The following DLG2 variants were observed in gnomAD, a reference collection of about 807,000 sequenced individuals.
The protein encoded by DLG2 is disks large homolog 2.
Under a neutral mutation model 132.5 loss-of-function variants are expected in DLG2, and 45 were observed. The ratio of observed to expected loss-of-function variants is 0.34; its 90% CI spans 0.27 to 0.44. DLG2 has a LOEUF of 0.44. DLG2 is among the 20% of genes least tolerant of loss of function. The probability of loss-of-function intolerance (pLI) is 1.00; values close to 1 mark genes in which losing one functional copy is unlikely to be tolerated. For missense variants in DLG2, 1,045 were observed against 1,196.9 expected, an observed-to-expected ratio of 0.87 and a Z score of 1.87; for synonymous variants, 424 against 419.6, an observed-to-expected ratio of 1.01 and a Z score of -0.13.
At chr11:84,119,843 A>G (rs1346495654) in intron 9 of DLG2, among the ~76,000 whole-genome samples, 2 of 152,240 alleles carry the variant, frequency 1.3e-5, no homozygotes, top group Non-Finnish European at 2.9e-5. Context: ...CTTGAAAAGC[A>G]TGAGTGTGTT....
rs369995381 is a variant in DLG2 at position 84,642,721 on chromosome 11, T to A, written c.358-107990A>T. 2.0e-4 allele frequency among the ~76,000 whole-genome samples: 31 copies of A among 152,262 alleles called. No homozygotes were observed. The East Asian group carries it at 3.5e-3, about 17-fold the overall frequency. On this transcript the variant is annotated intron_variant, in intron 6 of 27. Coordinates refer to ENST00000376104, the MANE Select transcript of DLG2 (RefSeq NM_001142699.3). ...CCCACTCTACATGGACAGTTTTACCTCCTAGCTGGAATGAAGTAGAGAGGG... is the reference window on the plus strand; with the variant it reads ...CCCACTCTACATGGACAGTTTTACCACCTAGCTGGAATGAAGTAGAGAGGG...
intron 16 of DLG2, among the ~76,000 whole-genome samples, chr11:83,853,871 T>C (rs923781773): frequency 2.6e-5 from 4 of 152,102 alleles, no homozygotes; most frequent in South Asian, 4.1e-4. Flanking sequence ...ATACTGCAAG[T>C]TCTAGTTAAT....
chr11:84,964,273 C>G (rs10898339), intron 6 of DLG2, among the ~76,000 whole-genome samples: 68,413 of 151,914 alleles, frequency 0.45, 17,018 homozygotes, highest in African/African-American at 0.66. Context: ...CATATACAAC[C>G]TTCAGGTCAA....
At chr11:84,803,347 T>G (rs1267740854) in intron 6 of DLG2, among the ~76,000 whole-genome samples, 1 of 152,232 alleles carries the variant, frequency 6.6e-6, no homozygotes, top group Non-Finnish European at 1.5e-5. Context: ...TCTTCTTTAA[T>G]GAAAGCTGTT....
At position 83,850,710 on chromosome 11, in the gene DLG2, A is replaced by C. The variant is rs977755257; in HGVS notation, c.1566-16940T>G. Among the ~76,000 whole-genome samples the C allele has an allele frequency of 3.3e-5, 5 of 152,212 alleles. 1 individual carries two copies. The highest frequency in any genetic ancestry group is 1.2e-4 in the African/African-American group (5 of 41,454). ...AGATTCAATTCTTAATACTCAGAAG[A>C]ACAGAGCAGAATATTTGCATATACT... On this transcript the variant is annotated intron_variant, in intron 16 of 27. Transcript: ENST00000376104.
chr11:84,946,759 C>G (rs1431941126), intron 6 of DLG2, among the ~76,000 whole-genome samples: 2 of 152,128 alleles, frequency 1.3e-5, no homozygotes, highest in South Asian at 2.1e-4. Flanking sequence ...CGTTCACTGG[C>G]TCCAAGCTCA....
At chr11:83,778,676 T>G (rs1302143940) in intron 18 of DLG2, among the ~76,000 whole-genome samples, 6 of 151,934 alleles carry the variant, frequency 3.9e-5, no homozygotes, top group Admixed American at 3.9e-4. Flanking sequence ...AATTTAGGAG[T>G]TAGGAAGTGA....
At chr11:85,393,858 G>A (rs1374372366) in intron 3 of DLG2, among the ~76,000 whole-genome samples, 1 of 152,136 alleles carries the variant, frequency 6.6e-6, no homozygotes, top group Non-Finnish European at 1.5e-5. Flanking sequence ...GCTGAGCTAT[G>A]AGGATGCAAA....
chr11:84,895,096 T>G (rs762166393), intron 6 of DLG2, among the ~76,000 whole-genome samples: 2 of 152,204 alleles, frequency 1.3e-5, no homozygotes, highest in Non-Finnish European at 2.9e-5. Context: ...AAAATTTAAT[T>G]GTAGAATTAT....
intron 19 of DLG2, among the ~76,000 whole-genome samples, chr11:83,547,007 CCTCTATG>C (rs1372807801): frequency 6.6e-5 from 10 of 152,104 alleles, no homozygotes; most frequent in Non-Finnish European, 1.3e-4. Context: ...ACGATACCAA[CCTCTATG>C]CTCTTTTGCA....
intron 22 of DLG2, chr11:83,480,752 T>A: frequency 1.2e-6 from 1 of 819,004 alleles, no homozygotes; most frequent in Non-Finnish European, 2.0e-6. Flanking sequence ...CAATGACTAG[T>A]ATGTCTTGAC....
intron 11 of DLG2, among the ~76,000 whole-genome samples, chr11:84,056,248 T>G (rs1445280457): frequency 6.6e-6 from 1 of 152,026 alleles, no homozygotes; most frequent in East Asian, 1.9e-4. Flanking sequence ...GAACAGGCCC[T>G]GGTGTGTAAA....
chr11:84,338,164 G>A (rs2098496634), intron 7 of DLG2, among the ~76,000 whole-genome samples: 1 of 152,126 alleles, frequency 6.6e-6, no homozygotes, highest in South Asian at 2.1e-4. Context: ...TATCAAATCT[G>A]TACAGTTCGA....
intron 19 of DLG2, among the ~76,000 whole-genome samples, chr11:83,588,814 A>C (rs1434910300): frequency 6.7e-6 from 1 of 150,340 alleles, no homozygotes; most frequent in African/African-American, 2.5e-5. Context: ...TGGAGCTGAA[A>C]ACCAAGGCTC....
chr11:85,607,510 C>T (rs1344637661), intron 2 of DLG2, among the ~76,000 whole-genome samples: 1 of 152,242 alleles, frequency 6.6e-6, no homozygotes, highest in East Asian at 1.9e-4. Flanking sequence ...CCTGTCTTCT[C>T]CAAGGCTAGT....
chr11:84,931,415 G>C (rs142283376), intron 6 of DLG2, among the ~76,000 whole-genome samples: 1 of 152,250 alleles, frequency 6.6e-6, no homozygotes, highest in Non-Finnish European at 1.5e-5. Flanking sequence ...AGAGCATGCA[G>C]TATTTGCTTT....
intron 19 of DLG2, among the ~76,000 whole-genome samples, chr11:83,588,039 C>G (rs183528103): frequency 1.3e-5 from 2 of 152,078 alleles, no homozygotes; most frequent in Non-Finnish European, 2.9e-5. Context: ...AACTGCAAGG[C>G]GGCAGCGAGG....
At chr11:84,268,848 T>C (rs1458125837) in intron 7 of DLG2, among the ~76,000 whole-genome samples, 1 of 152,178 alleles carries the variant, frequency 6.6e-6, no homozygotes, top group Non-Finnish European at 1.5e-5. Flanking sequence ...TGTAAAATGC[T>C]TGGAACAGTG....
At chr11:84,880,479 A>T (rs1231617481) in intron 6 of DLG2, among the ~76,000 whole-genome samples, 2 of 152,152 alleles carry the variant, frequency 1.3e-5, no homozygotes, top group Non-Finnish European at 2.9e-5. Context: ...CTTTGTCCCG[A>T]ATATTTTGAA....
Sources: allele counts gnomAD v4.1 joint callset (sites outside exome capture counted in the v4.1 genomes callset), GRCh38; gene constraint gnomAD v4.1.1; transcripts MANE v1.5; gene names NCBI Gene and HGNC (gene_info 2026-07-23, HGNC 2026-07-21).